AFAP1: variants seen among roughly 807,000 people sequenced by gnomAD.
AFAP1 encodes the protein actin filament associated protein 1, also known as actin filament-associated protein 1.
AFAP1 carries 75 observed loss-of-function variants against 93.9 expected under a neutral mutation model. The ratio of observed to expected loss-of-function variants is 0.80; its 90% CI spans 0.66 to 0.97. The LOEUF (loss-of-function observed/expected upper bound fraction) is 0.97. AFAP1 is among the 50% of genes least tolerant of loss of function. The pLI is 0.00. For synonymous variants in AFAP1, 517 were observed against 430.7 expected (o/e 1.20, Z -2.48); for missense variants, 1,201 against 1,050.8 (o/e 1.14, Z -1.98).
chr4:7,891,951 T>C (rs1468646471), intron 1 of AFAP1, among the ~76,000 whole-genome samples: 1 of 151,852 alleles, frequency 6.6e-6, no homozygotes, highest in Non-Finnish European at 1.5e-5. Context: ...CTACTCAGGA[T>C]GCTGAGGCAG....
intron 6 of AFAP1, among the ~76,000 whole-genome samples, chr4:7,819,803 T>A (rs985933590): frequency 1.3e-5 from 2 of 152,174 alleles, no homozygotes; most frequent in African/African-American, 4.8e-5. Flanking sequence ...AGGGACTGGA[T>A]TCAAGAGCAT....
chr4:7,936,884 A>G (rs1221601123), intron 1 of AFAP1, among the ~76,000 whole-genome samples: 1 of 152,148 alleles, frequency 6.6e-6, no homozygotes, highest in Non-Finnish European at 1.5e-5. Context: ...CCTGGCCACA[A>G]GTGGTAATTT....
intron 15 of AFAP1, chr4:7,774,530 G>C: frequency 1.4e-6 from 1 of 720,498 alleles, no homozygotes; most frequent in Non-Finnish European, 2.2e-6. Flanking sequence ...CCTGGCCTCT[G>C]CCTGCACGCC....
rs75809459 is a variant in AFAP1, at chr4:7,929,750, C to T, written c.-3+9906G>A. 3.9e-4 allele frequency among the ~76,000 whole-genome samples: 59 copies of T among 152,342 alleles called. No homozygotes were observed. In the East Asian group the frequency reaches 0.011, roughly 28 times the overall value. On this transcript the variant is annotated intron_variant, in intron 1 of 17. Transcript: ENST00000420658. Reference sequence around the variant, plus strand: ...TTCTTCACCACACAGAGGCGGCACTCAGGAACTACTGAATGAGGGAGGGAG... The same window carrying T: ...TTCTTCACCACACAGAGGCGGCACTTAGGAACTACTGAATGAGGGAGGGAG...
At chr4:7,856,852 T>C (rs1430791805) in intron 3 of AFAP1, among the ~76,000 whole-genome samples, 1 of 152,230 alleles carries the variant, frequency 6.6e-6, no homozygotes, top group Non-Finnish European at 1.5e-5. Context: ...CCCAGCACTG[T>C]GCTAGACACT....
intron 9 of AFAP1, among the ~76,000 whole-genome samples, chr4:7,801,051 G>C (rs1422352657): frequency 6.6e-6 from 1 of 152,204 alleles, no homozygotes; most frequent in African/African-American, 2.4e-5. Flanking sequence ...CTTATTTTGA[G>C]GAGCTGCAAA....
At chr4:7,931,579 C>T (rs547256409) in intron 1 of AFAP1, among the ~76,000 whole-genome samples, 1 of 149,674 alleles carries the variant, frequency 6.7e-6, no homozygotes, top group East Asian at 2.0e-4. Context: ...GTGGAGGTCT[C>T]GCTATGTTGC....
chr4:7,885,333 C>T (rs1348525217), intron 1 of AFAP1, among the ~76,000 whole-genome samples: 1 of 152,226 alleles, frequency 6.6e-6, no homozygotes, highest in Non-Finnish European at 1.5e-5. Flanking sequence ...CCACTGCTCT[C>T]TGCCCGGTAT....
intron 8 of AFAP1, among the ~76,000 whole-genome samples, chr4:7,812,554 A>G (rs1720139992): frequency 6.6e-6 from 1 of 152,182 alleles, no homozygotes; most frequent in Non-Finnish European, 1.5e-5. Flanking sequence ...AACAAAAGGC[A>G]GAGATGAGCA....
intron 1 of AFAP1, among the ~76,000 whole-genome samples, chr4:7,876,657 C>T (rs932586708): frequency 6.6e-6 from 1 of 152,300 alleles, no homozygotes; most frequent in African/African-American, 2.4e-5. Context: ...GAGGCTTTCC[C>T]GGGCCTGTTG....
chr4:7,819,495 C>T (rs184258901), intron 6 of AFAP1, among the ~76,000 whole-genome samples: 11 of 152,222 alleles, frequency 7.2e-5, no homozygotes, highest in South Asian at 4.2e-4. Context: ...AACACGAGAC[C>T]GCAGTAAGTG....
intron 8 of AFAP1, among the ~76,000 whole-genome samples, chr4:7,811,252 C>T (rs946830445): frequency 1.4e-5 from 2 of 146,298 alleles, no homozygotes; most frequent in Admixed American, 7.0e-5. Context: ...TCCCTCAACC[C>T]GCTGGCTGCG....
chr4:7,893,706 G>T (rs1718607657), intron 1 of AFAP1, among the ~76,000 whole-genome samples: 2 of 152,098 alleles, frequency 1.3e-5, no homozygotes, highest in African/African-American at 4.8e-5. Context: ...ACCACCGGGG[G>T]TTCTTGTTAA....
chr4:7,859,254 A>G (rs1400166204), intron 3 of AFAP1, among the ~76,000 whole-genome samples: 2 of 152,156 alleles, frequency 1.3e-5, no homozygotes, highest in African/African-American at 4.8e-5. Flanking sequence ...CCCCATCTCT[A>G]CTAAGAATAC....
intron 8 of AFAP1, among the ~76,000 whole-genome samples, chr4:7,815,810 G>A (rs997639949): frequency 2.0e-5 from 3 of 152,154 alleles, no homozygotes; most frequent in Non-Finnish European, 2.9e-5. Flanking sequence ...AGGTCTGGCA[G>A]GATGGAAAAA....
intron 1 of AFAP1, among the ~76,000 whole-genome samples, chr4:7,893,954 C>T (rs1020096683): frequency 1.7e-4 from 26 of 152,300 alleles, no homozygotes; most frequent in African/African-American, 6.0e-4. Context: ...ACAGCCTCAG[C>T]GAGCCCTGGA....
chr4:7,784,475 C>T (rs1717079082), intron 12 of AFAP1, among the ~76,000 whole-genome samples: 1 of 152,174 alleles, frequency 6.6e-6, no homozygotes, highest in African/African-American at 2.4e-5. Context: ...TCTTCAACTC[C>T]TGGCACAGAG....
chr4:7,934,033 C>T (rs1464813075), intron 1 of AFAP1, among the ~76,000 whole-genome samples: 4 of 152,194 alleles, frequency 2.6e-5, no homozygotes, highest in Admixed American at 6.5e-5. Context: ...ATCTGACAAG[C>T]GTTTCCTGAT....
At chr4:7,923,582 A>G (rs1720553357) in intron 1 of AFAP1, among the ~76,000 whole-genome samples, 2 of 152,130 alleles carry the variant, frequency 1.3e-5, no homozygotes, top group Non-Finnish European at 2.9e-5. Flanking sequence ...TAGTTCAAGC[A>G]ATTCTCCTGC....
Sources: gnomAD v4.1 joint callset for allele counts (sites outside exome capture counted in the v4.1 genomes callset) on GRCh38, gnomAD v4.1.1 for gene constraint, MANE v1.5 for transcripts, NCBI Gene and HGNC (gene_info 2026-07-23, HGNC 2026-07-21) for gene names.